Variants in SESN2 observed in about 807,000 individuals in gnomAD.
SESN2 encodes the protein sestrin 2.
A neutral mutation model predicts 56.0 loss-of-function variants in SESN2; 42 were observed. The ratio of observed to expected loss-of-function variants is 0.75; its 90% confidence interval spans 0.59 to 0.97. The LOEUF (loss-of-function observed/expected upper bound fraction) is 0.97. Ranked by LOEUF, SESN2 falls within the 50% of genes least tolerant of loss-of-function variation. The pLI is 0.00. For missense variants in SESN2, 507 were observed against 649.4 expected, an observed-to-expected ratio of 0.78 and a Z score of 2.38; for synonymous variants, 264 against 267.1, an observed-to-expected ratio of 0.99 and a Z score of 0.11.
rs765900828 is a variant in SESN2 at position 28,280,728 on chromosome 1, T to G, written c.1369T>G (p.Leu457Val). The G allele has an allele frequency of 6.2e-7, 1 of 1,613,274 alleles. No homozygotes were observed. The highest frequency in any genetic ancestry group is 1.1e-5 in the South Asian group (1 of 91,084). ...FRHSEKVHVN[L>V]LLLEARMQAA... is the part of the protein sequence containing the mutation. ...CTCTGTGCCCCAGGTCCACGTGAAC[T>G]TGCTGCTCCTGGAGGCGCGCATGCA... Residue 457 changes from leucine (L) to valine (V), a missense_variant, in exon 10 of 10, where the codon TTG (leucine) becomes GTG (valine). Transcript: ENST00000253063.
rs756414646 is a variant in SESN2, at chr1:28,273,397, C to T, written c.790C>T (p.Arg264Cys). The T allele has an allele frequency of 3.0e-5, 48 of 1,608,802 alleles. No individual in the cohort carries two copies. Among genetic ancestry groups the T allele is most frequent in the Non-Finnish European group, 3.7e-5 (43 of 1,178,038 alleles). Reference sequence around the variant, plus strand: ...CCGCGACGTGGAGGCGCTGATGGAGCGCATGCAGCAGCTGCAGGAGAGCCT... The same window carrying T: ...CCGCGACGTGGAGGCGCTGATGGAGTGCATGCAGCAGCTGCAGGAGAGCCT... Reference protein sequence around the residue: ...SARDVEALMERMQQLQESLLR... With the variant: ...SARDVEALMECMQQLQESLLR... Residue 264 changes from arginine (R) to cysteine (C), a missense_variant, in exon 6 of 10, where the codon CGC (arginine) becomes TGC (cysteine). Coordinates refer to ENST00000253063, the MANE Select transcript of SESN2 (RefSeq NM_031459.5).
intron 1 of SESN2, among the ~76,000 whole-genome samples, chr1:28,267,233 A>G (rs1358687747): frequency 1.3e-5 from 2 of 152,128 alleles, no homozygotes; most frequent in Non-Finnish European, 2.9e-5. Context: ...CTGAACTTGG[A>G]CCAGCCTGGC....
At chr1:28,266,854 C>A (rs1295533017) in intron 1 of SESN2, among the ~76,000 whole-genome samples, 2 of 152,014 alleles carry the variant, frequency 1.3e-5, no homozygotes, top group African/African-American at 4.8e-5. Context: ...AGCCAAGGGC[C>A]CCTATCTTTT....
chr1:28,272,762 C>G lies in SESN2; in HGVS notation c.719C>G (p.Pro240Arg). The G allele has an allele frequency of 6.2e-7, 1 of 1,606,118 alleles. No individual in the cohort carries two copies. Among genetic ancestry groups the G allele is most frequent in the Non-Finnish European group, 8.5e-7 (1 of 1,174,344 alleles). ...APTPPSEQSS[P>R]PSRDPLNNSG... Reference sequence around the variant, plus strand: ...ACACCCCCTAGTGAACAGAGCAGCCCCCCAAGCAGGGACCCGTTGAACAAC... The same window carrying G: ...ACACCCCCTAGTGAACAGAGCAGCCGCCCAAGCAGGGACCCGTTGAACAAC... The change falls in exon 5 of 10, where the codon CCC becomes CGC. Residue 240 changes from proline to arginine, a missense_variant. Transcript: ENST00000253063.
At chr1:28,275,550 C>T (rs1283681858) in intron 8 of SESN2, among the ~76,000 whole-genome samples, 2 of 149,024 alleles carry the variant, frequency 1.3e-5, no homozygotes, top group Non-Finnish European at 3.0e-5. Context: ...GTTAGGAGTT[C>T]GAGACCAGCC....
intron 1 of SESN2, among the ~76,000 whole-genome samples, chr1:28,268,365 A>C (rs1034326077): frequency 2.0e-5 from 3 of 152,036 alleles, no homozygotes; most frequent in African/African-American, 7.2e-5. Context: ...GTGAGCTATG[A>C]CTGCACCACT....
Position 28,282,077 on chromosome 1 carries a change from C to T in SESN2, c.*1275C>T, listed in dbSNP as rs187347421. On this transcript the variant is annotated 3_prime_UTR_variant, in exon 10 of 10. Transcript: ENST00000253063. ...CTTCCAGGCAGAAGCAGCCAAGGAC[C>T]GATTCCAGGCACTTTCTGTAGCAAA... is the stretch of plus-strand genomic sequence containing the variant. 3 of 152,280 alleles carry T rather than the reference C, an allele frequency of 2.0e-5. No homozygotes were observed. The highest frequency in any genetic ancestry group is 4.4e-5 in the Non-Finnish European group (3 of 68,112). The allele number at this position is 152,280 out of a possible 1,614,324, so 9.4% of individuals were successfully genotyped here.
At chr1:28,270,085 C>A (rs565753735) in intron 2 of SESN2, among the ~76,000 whole-genome samples, 32 of 152,354 alleles carry the variant, frequency 2.1e-4, no homozygotes, top group African/African-American at 7.5e-4. Context: ...GCCGCAGTGG[C>A]TCACGCCTGT....
rs527794114 is a variant in SESN2, at chr1:28,272,803, G to A, written c.750+10G>A. ...GTTGAACAACTCTGGGGTAAGTCAC[G>A]GGCCTGGGTCTTGATCGGGGAGGAA... On this transcript the variant is annotated intron_variant, in intron 5 of 9. Coordinates refer to ENST00000253063, the MANE Select transcript of SESN2 (RefSeq NM_031459.5). 271 of 1,543,798 alleles carry A rather than the reference G, an allele frequency of 1.8e-4. 5 individuals carry two copies. The South Asian group carries it at 2.8e-3, about 16-fold the overall frequency.
chr1:28,280,575 C>T (rs921508746), intron 9 of SESN2, 141 bp from the exon 10 acceptor site: 4 of 695,488 alleles, frequency 5.8e-6, no homozygotes, highest in Non-Finnish European at 5.2e-6. Flanking sequence ...TACTAAACTG[C>T]TCAGAGCCTT....
Position 28,274,806 on chromosome 1 carries a change from C to T in SESN2, c.1021-19C>T. On this transcript the variant is annotated intron_variant, in intron 7 of 9. Transcript: ENST00000253063. ...TCTTGGGCTCCAAAGACTCACCAAT[C>T]CCTTCCCACCTACCTAAGGATTATA... is the stretch of plus-strand genomic sequence containing the variant. The T allele has an allele frequency of 6.3e-7, 1 of 1,592,704 alleles. No homozygotes were observed. The highest frequency in any genetic ancestry group is 2.2e-5 in the East Asian group (1 of 44,590).
intron 3 of SESN2, 61 bp downstream of exon 3, chr1:28,271,932 T>A (rs1217891213): frequency 7.3e-6 from 11 of 1,506,810 alleles, no homozygotes; most frequent in Non-Finnish European, 1.0e-5. Context: ...TGTCCTTTGA[T>A]CTCTTTTCTG....
intron 1 of SESN2, among the ~76,000 whole-genome samples, chr1:28,265,838 T>TA (rs143693152): frequency 0.17 from 26,588 of 152,118 alleles, 2,892 homozygotes; most frequent in Non-Finnish European, 0.24. Context: ...CCTAGATCTT[T>TA]ACAGGCCTTG....
At chr1:28,279,928 G>A (rs564277053) in intron 9 of SESN2, among the ~76,000 whole-genome samples, 2 of 151,872 alleles carry the variant, frequency 1.3e-5, no homozygotes, top group East Asian at 1.9e-4. Context: ...ATTTCGGCTC[G>A]CTGCAGCCTC....
intron 2 of SESN2, among the ~76,000 whole-genome samples, chr1:28,271,270 G>A (rs986168794): frequency 6.6e-5 from 10 of 152,142 alleles, no homozygotes; most frequent in Admixed American, 1.3e-4. Context: ...TTTTGCACCC[G>A]CCCCCATGGT....
Position 28,274,174 on chromosome 1 carries a change from C to G in SESN2, c.1020+16C>G, listed in dbSNP as rs372114042. ...CCGGGCCCAGGTAGGGCTCTCTCTA[C>G]TAGTCTTGGCCATTGCTCCACATTT... On this transcript the variant is annotated intron_variant, in intron 7 of 9. Transcript: ENST00000253063. 3 of 1,498,224 alleles carry G rather than the reference C, an allele frequency of 2.0e-6. No homozygotes were observed. Among genetic ancestry groups the G allele is most frequent in the Non-Finnish European group, 2.8e-6 (3 of 1,074,296 alleles). 92.8% of individuals were successfully genotyped at this position (1,498,224 alleles called of 1,614,324 possible). A position where few individuals can be genotyped will look rare whatever the true frequency, so the allele number is the denominator to read the frequency against.
At chr1:28,261,048 G>A (rs1027666159) in intron 1 of SESN2, among the ~76,000 whole-genome samples, 11 of 152,176 alleles carry the variant, frequency 7.2e-5, no homozygotes, top group Non-Finnish European at 1.6e-4. Flanking sequence ...AGATTGCACG[G>A]CACTAGGAGC....
intron 1 of SESN2, among the ~76,000 whole-genome samples, chr1:28,262,882 C>T (rs1474881172): frequency 1.3e-5 from 2 of 152,128 alleles, no homozygotes; most frequent in African/African-American, 4.8e-5. Context: ...GAGCCGAGAT[C>T]GCTTCACTGT....
intron 8 of SESN2, 141 bp downstream of exon 8, chr1:28,275,156 A>G: frequency 1.6e-6 from 1 of 609,720 alleles, no homozygotes; most frequent in Non-Finnish European, 2.8e-6. Flanking sequence ...TTGTGATTTT[A>G]AAAGATGACA....
Sources: gnomAD v4.1 joint callset for allele counts (sites outside exome capture counted in the v4.1 genomes callset) on GRCh38, gnomAD v4.1.1 for gene constraint, MANE v1.5 for transcripts, NCBI Gene and HGNC (gene_info 2026-07-23, HGNC 2026-07-21) for gene names.